CYP2C18: variants seen among roughly 807,000 people sequenced by gnomAD.
The protein encoded by CYP2C18 is cytochrome P450 family 2 subfamily C member 18, also known as cytochrome P450 2C18.
Under a neutral mutation model 41.3 loss-of-function variants are expected in CYP2C18, and 38 were observed. That is an observed-to-expected ratio of 0.92 (90% CI 0.71 to 1.21). CYP2C18 has a LOEUF of 1.21. Among genes scored for constraint, CYP2C18 ranks in the 50% most tolerant of loss-of-function variants. The pLI, the probability that CYP2C18 is intolerant of heterozygous loss-of-function variation, is 0.00. For synonymous variants in CYP2C18, 236 were observed against 210.0 expected (o/e 1.12, Z -1.07); for missense variants, 635 against 591.4 (o/e 1.07, Z -0.77).
chr10:94,716,956 G>T (rs769543205), intron 5 of CYP2C18, among the ~76,000 whole-genome samples: 3 of 151,954 alleles, frequency 2.0e-5, no homozygotes, highest in Non-Finnish European at 4.4e-5. Context: ...TGTGTCTTTC[G>T]ATCTTTGTTG....
intron 5 of CYP2C18, among the ~76,000 whole-genome samples, chr10:94,707,746 C>T (rs535579326): frequency 1.6e-4 from 25 of 152,098 alleles, no homozygotes; most frequent in African/African-American, 2.4e-4. Flanking sequence ...TCAAGTTGTC[C>T]ATTTTGTCAT....
intron 5 of CYP2C18, among the ~76,000 whole-genome samples, chr10:94,707,566 C>A (rs903040799): frequency 4.6e-5 from 7 of 152,114 alleles, no homozygotes; most frequent in Non-Finnish European, 1.0e-4. Flanking sequence ...TATGTGTGAG[C>A]CCTAACAAGA....
At chr10:94,703,828 C>T (rs1589797932) in intron 4 of CYP2C18, among the ~76,000 whole-genome samples, 1 of 152,118 alleles carries the variant, frequency 6.6e-6, no homozygotes, top group Non-Finnish European at 1.5e-5. Flanking sequence ...CAAGTGGCCA[C>T]CCAGTTTTGT....
Position 94,694,932 on chromosome 10 carries a change from C to G in CYP2C18, c.497C>G (p.Pro166Arg). 1 of 1,612,128 alleles carries G rather than the reference C, an allele frequency of 6.2e-7. No homozygotes were observed. The highest frequency in any genetic ancestry group is 8.5e-7 in the Non-Finnish European group (1 of 1,179,612). ...LRKTNASPCD[P>R]TFILGCAPCN... is the part of the protein sequence containing the mutation. ...AATCCTTTAGCCTCACCCTGTGATC[C>G]CACTTTCATCCTGGGCTGTGCTCCC... Residue 166 changes from proline (P) to arginine (R), a missense_variant, in exon 4 of 9, where the codon CCC (proline) becomes CGC (arginine). Pro to Arg is a moderately radical substitution (Grantham distance 103). Transcript: ENST00000285979.
chr10:94,723,402 T>C (rs1353330583), intron 6 of CYP2C18, among the ~76,000 whole-genome samples: 4 of 152,024 alleles, frequency 2.6e-5, no homozygotes, highest in Non-Finnish European at 5.9e-5. Flanking sequence ...CAAAGAAAAG[T>C]TGATTGATTA....
chr10:94,714,974 CTGTT>C lies in CYP2C18; in HGVS notation c.820-5418_820-5415del, dbSNP rs377397424. 6.0e-4 allele frequency among the ~76,000 whole-genome samples: 92 copies of C among 152,226 alleles called. 1 individual carries two copies. Among genetic ancestry groups the C allele is most frequent in the East Asian group, 2.9e-3 (15 of 5,188 alleles). ...GGGAGTTCACTCATGATTTGGCACT[CTGTT>C]TGTCTGTTATTGGTGTATAAGAATA... On this transcript the variant is annotated intron_variant, in intron 5 of 8. Coordinates refer to ENST00000285979, the MANE Select transcript of CYP2C18 (RefSeq NM_000772.3).
intron 7 of CYP2C18, chr10:94,728,434 C>A (rs1189475587): frequency 6.5e-6 from 1 of 153,018 alleles, no homozygotes; most frequent in Admixed American, 6.6e-5. Context: ...ATTACTTTCC[C>A]AAATAATTTA....
In CYP2C18 at chr10:94,687,832, G is replaced by T. The variant is rs755901390; in HGVS notation, c.231G>T (p.Leu77Phe). The T allele has an allele frequency of 2.5e-6, 4 of 1,613,734 alleles. No homozygotes were observed. The highest frequency in any genetic ancestry group is 3.4e-6 in the Non-Finnish European group (4 of 1,179,804). The change falls in exon 2 of 9, where the codon TTG becomes TTT. Residue 77 changes from leucine to phenylalanine, a missense_variant. Physicochemically the swap from Leu to Phe is conservative, Grantham distance 22. Transcript: ENST00000285979. ...TTGGCCTGAAGCCCATTGTGGTGTT[G>T]CATGGATATGAAGCAGTGAAGGAGG... is the stretch of plus-strand genomic sequence containing the variant. ...VYFGLKPIVVLHGYEAVKEAL... is the reference protein window; with the variant it reads ...VYFGLKPIVVFHGYEAVKEAL...
In CYP2C18 at chr10:94,735,691, C is replaced by A. The variant is rs1847908920; in HGVS notation, c.*247C>A. The A allele has an allele frequency of 4.0e-6, 2 of 495,488 alleles. No homozygotes were observed. The highest frequency in any genetic ancestry group is 5.3e-4 in the Middle Eastern group (1 of 1,882). 30.7% of individuals were successfully genotyped at this position (495,488 alleles called of 1,614,324 possible). A position where few individuals can be genotyped will look rare whatever the true frequency, so the allele number is the denominator to read the frequency against. On this transcript the variant is annotated 3_prime_UTR_variant, in exon 9 of 9. Coordinates refer to ENST00000285979, the MANE Select transcript of CYP2C18 (RefSeq NM_000772.3). ...GTATTGACCACCACATATGCTAATA[C>A]CTATCTACTGCTGAGTTGTCAGTAT...
intron 1 of CYP2C18, among the ~76,000 whole-genome samples, chr10:94,685,545 G>A (rs999538415): frequency 3.9e-5 from 6 of 152,034 alleles, no homozygotes; most frequent in African/African-American, 1.4e-4. Context: ...TTATGCTTAA[G>A]GCTTTAATTC....
chr10:94,697,371 A>C (rs1406817110), intron 4 of CYP2C18, among the ~76,000 whole-genome samples: 1 of 152,210 alleles, frequency 6.6e-6, no homozygotes, highest in Non-Finnish European at 1.5e-5. Context: ...TTTCATATCC[A>C]GCCAAACTAA....
At position 94,694,923 on chromosome 10, in the gene CYP2C18, C is replaced by G; in HGVS notation, c.488C>G (p.Pro163Arg). The G allele has an allele frequency of 6.2e-7, 1 of 1,611,696 alleles. No individual in the cohort carries two copies. Among genetic ancestry groups the G allele is most frequent in the Non-Finnish European group, 8.5e-7 (1 of 1,179,440 alleles). ...VEELRKTNAS[P>R]CDPTFILGCA... is the part of the protein sequence containing the mutation. Reference sequence around the variant, plus strand: ...AATATTTCCAATCCTTTAGCCTCACCCTGTGATCCCACTTTCATCCTGGGC... The same window carrying G: ...AATATTTCCAATCCTTTAGCCTCACGCTGTGATCCCACTTTCATCCTGGGC... Residue 163 changes from proline to arginine, a missense_variant, in exon 4 of 9, where the codon CCC becomes CGC. By Grantham distance (103) the Pro-to-Arg change is moderately radical. Transcript: ENST00000285979.
intron 5 of CYP2C18, among the ~76,000 whole-genome samples, chr10:94,710,963 AT>A (rs1331017038): frequency 6.6e-6 from 1 of 152,154 alleles, no homozygotes; most frequent in Admixed American, 6.5e-5. Context: ...GTTATGGTCA[AT>A]TTTGTGTTAC....
intron 8 of CYP2C18, 144 bp downstream of exon 8, chr10:94,733,582 C>T: frequency 1.4e-6 from 2 of 1,457,560 alleles, no homozygotes; most frequent in Non-Finnish European, 1.8e-6. Flanking sequence ...ATGCGATTTC[C>T]CTGCTGATGA....
chr10:94,725,025 T>C (rs1275959668), intron 7 of CYP2C18, among the ~76,000 whole-genome samples: 1 of 149,962 alleles, frequency 6.7e-6, no homozygotes, highest in Non-Finnish European at 1.5e-5. Flanking sequence ...ATTACGTTTT[T>C]TTTCTGAAAT....
intron 5 of CYP2C18, among the ~76,000 whole-genome samples, chr10:94,707,444 G>A (rs1847363985): frequency 6.6e-6 from 1 of 152,136 alleles, no homozygotes. Flanking sequence ...GATGGAAAAG[G>A]GAGGCCTTAA....
At chr10:94,705,122 A>G (rs551257688) in intron 4 of CYP2C18, among the ~76,000 whole-genome samples, 2 of 152,204 alleles carry the variant, frequency 1.3e-5, no homozygotes, top group Non-Finnish European at 2.9e-5. Context: ...GGGAGGTGGT[A>G]CAAGTGCAAA....
chr10:94,702,723 C>T (rs1847267894), intron 4 of CYP2C18, among the ~76,000 whole-genome samples: 1 of 152,020 alleles, frequency 6.6e-6, no homozygotes, highest in Admixed American at 6.6e-5. Context: ...CTTCTGAAGC[C>T]TACTTCTGTC....
At chr10:94,696,482 G>A (rs145411264) in intron 4 of CYP2C18, among the ~76,000 whole-genome samples, 26,261 of 151,942 alleles carry the variant, frequency 0.17, 2,506 homozygotes, top group South Asian at 0.33. Context: ...CCATCTGTAC[G>A]TCACCATCAT....
Sources: gnomAD v4.1 joint callset for allele counts (sites outside exome capture counted in the v4.1 genomes callset) on GRCh38, gnomAD v4.1.1 for gene constraint, MANE v1.5 for transcripts, NCBI Gene and HGNC (gene_info 2026-07-23, HGNC 2026-07-21) for gene names.